The following RBFOX2 variants were observed in gnomAD, a reference collection of about 807,000 sequenced individuals.
The protein encoded by RBFOX2 is RNA binding fox-1 homolog 2.
Under a neutral mutation model 49.1 loss-of-function variants are expected in RBFOX2, and 10 were observed. That is an observed-to-expected ratio of 0.20 (90% CI 0.13 to 0.35). The LOEUF is 0.35. Among genes scored for constraint, RBFOX2 ranks in the 10% least tolerant of loss-of-function variants. The pLI is 1.00. For synonymous variants in RBFOX2, 183 were observed against 187.4 expected (o/e 0.98, Z 0.19); for missense variants, 323 against 486.9 (o/e 0.66, Z 3.17).
At chr22:35,805,250 A>G (rs966401905) in intron 2 of RBFOX2, among the ~76,000 whole-genome samples, 67 of 146,588 alleles carry the variant, frequency 4.6e-4, no homozygotes, top group Non-Finnish European at 7.4e-5. Context: ...AGATCGCGCC[A>G]CTGCACTCCA....
chr22:35,909,379 A>G (rs1303850871), intron 1 of RBFOX2, among the ~76,000 whole-genome samples: 2 of 152,196 alleles, frequency 1.3e-5, no homozygotes, highest in Non-Finnish European at 2.9e-5. Context: ...GGGAGTTGAG[A>G]GGTTGTAAGG....
chr22:36,028,764 G>C (rs893097840), exon 1 of RBFOX2, among the ~76,000 whole-genome samples: 1 of 151,862 alleles, frequency 6.6e-6, no homozygotes, highest in Non-Finnish European at 1.5e-5. Context: ...CTCGCCCACC[G>C]GCCGCGCTGG....
intron 1 of RBFOX2, among the ~76,000 whole-genome samples, chr22:35,947,331 G>C (rs752653394): frequency 6.6e-6 from 1 of 152,074 alleles, no homozygotes; most frequent in South Asian, 2.1e-4. Flanking sequence ...TCATATAAAA[G>C]TCTAGCGCAT....
At chr22:35,825,706 T>A (rs1315464686) in intron 1 of RBFOX2, among the ~76,000 whole-genome samples, 2 of 152,012 alleles carry the variant, frequency 1.3e-5, no homozygotes, top group Non-Finnish European at 2.9e-5. Context: ...ATAGGCCGGG[T>A]GCAGTGGCTC....
intron 1 of RBFOX2, among the ~76,000 whole-genome samples, chr22:35,972,255 C>T (rs2056918762): frequency 6.6e-6 from 1 of 152,118 alleles, no homozygotes; most frequent in Admixed American, 6.5e-5. Context: ...AAATGAAGCA[C>T]CTCCTTTAGG....
At chr22:36,026,537 T>TACATACAG (rs150932931) in intron 1 of RBFOX2, among the ~76,000 whole-genome samples, 10,818 of 135,436 alleles carry the variant, frequency 0.08, 741 homozygotes, top group African/African-American at 0.23. Context: ...GATAAATGAA[T>TACATACAG]ACATACACAC....
At chr22:35,789,744 G>T (rs1947215865) in intron 2 of RBFOX2, among the ~76,000 whole-genome samples, 1 of 152,040 alleles carries the variant, frequency 6.6e-6, no homozygotes, top group Non-Finnish European at 1.5e-5. Context: ...ATGTAATTGT[G>T]GGGGAAAGGT....
intron 1 of RBFOX2, among the ~76,000 whole-genome samples, chr22:35,911,617 AGTT>A (rs1603446618): frequency 6.6e-6 from 1 of 152,152 alleles, no homozygotes; most frequent in African/African-American, 2.4e-5. Flanking sequence ...TCAGGGATTA[AGTT>A]GTTATTATTG....
intron 3 of RBFOX2, among the ~76,000 whole-genome samples, chr22:35,778,415 T>C (rs988325652): frequency 6.6e-6 from 1 of 152,148 alleles, no homozygotes; most frequent in Non-Finnish European, 1.5e-5. Flanking sequence ...TCCTAGTAAG[T>C]AGAATAATAT....
intron 1 of RBFOX2, among the ~76,000 whole-genome samples, chr22:35,846,528 C>T (rs1219775614): frequency 1.2e-4 from 18 of 151,782 alleles, no homozygotes; most frequent in Admixed American, 1.2e-3. Context: ...AGGTGGATCA[C>T]CCGAGGATGG....
intron 1 of RBFOX2, 118 bp downstream of exon 1, chr22:36,028,122 C>T: frequency 7.7e-7 from 1 of 1,302,334 alleles, no homozygotes; most frequent in Non-Finnish European, 9.8e-7. Flanking sequence ...GAATGGCCCC[C>T]CATCCCACCT....
At chr22:35,847,975 G>C (rs1046772215) in intron 1 of RBFOX2, among the ~76,000 whole-genome samples, 26 of 152,070 alleles carry the variant, frequency 1.7e-4, no homozygotes, top group African/African-American at 6.3e-4. Flanking sequence ...AATTGGGAGG[G>C]GGAGATGGTC....
chr22:35,865,556 T>A (rs764298474), intron 1 of RBFOX2, among the ~76,000 whole-genome samples: 22 of 152,048 alleles, frequency 1.4e-4, no homozygotes, highest in Admixed American at 2.0e-4. Flanking sequence ...CCCTCCCCCA[T>A]CTTTATTATT....
intron 9 of RBFOX2, among the ~76,000 whole-genome samples, chr22:35,753,729 A>G (rs1243896108): frequency 2.0e-5 from 3 of 151,278 alleles, no homozygotes; most frequent in African/African-American, 7.3e-5. Flanking sequence ...TAACTATTAA[A>G]AAATTGGGTT....
At chr22:36,023,467 T>C (rs1038091746) in intron 1 of RBFOX2, among the ~76,000 whole-genome samples, 3 of 152,220 alleles carry the variant, frequency 2.0e-5, no homozygotes, top group African/African-American at 7.2e-5. Context: ...TCTTACCTTA[T>C]ACAGCAGCTA....
chr22:35,781,533 A>G (rs1945142542), intron 3 of RBFOX2, 67 bp downstream of exon 4: 4 of 1,540,930 alleles, frequency 2.6e-6, no homozygotes, highest in South Asian at 1.2e-5. Context: ...ATAATGACTA[A>G]TAACACATCT....
At chr22:35,840,621 T>C (rs993433018), upstream of RBFOX2, 1 of 1,084,066 alleles carries the variant, frequency 9.2e-7, no homozygotes, top group Middle Eastern at 4.1e-4. Context: ...CACGCGTGTG[T>C]GCGTGTGTGC....
chr22:35,757,379 T>C (rs572505650), intron 9 of RBFOX2, among the ~76,000 whole-genome samples: 2 of 152,298 alleles, frequency 1.3e-5, no homozygotes, highest in African/African-American at 4.8e-5. Context: ...AGATAAAAGA[T>C]AAAACTTTCT....
At chr22:35,782,866 A>T (rs568453307) in intron 2 of RBFOX2, among the ~76,000 whole-genome samples, 45 of 152,184 alleles carry the variant, frequency 3.0e-4, no homozygotes, top group Admixed American at 4.6e-4. Context: ...TTATTTATTT[A>T]TTTTTTAATT....
Sources: allele counts gnomAD v4.1 joint callset (sites outside exome capture counted in the v4.1 genomes callset), GRCh38; gene constraint gnomAD v4.1.1; transcripts MANE v1.5; gene names NCBI Gene and HGNC (gene_info 2026-07-23, HGNC 2026-07-21).